The following GRM4 variants were observed in gnomAD, a reference collection of about 807,000 sequenced individuals.
GRM4 encodes metabotropic glutamate receptor 4.
A neutral mutation model predicts 81.7 loss-of-function variants in GRM4; 28 were observed. That is an observed-to-expected ratio of 0.34 (90% CI 0.25 to 0.47). GRM4 has a LOEUF of 0.47. GRM4 is among the 20% of genes least tolerant of loss of function. The pLI, the probability that GRM4 is intolerant of heterozygous loss-of-function variation, is 1.00. For missense variants in GRM4, 948 were observed against 1,290.0 expected, an observed-to-expected ratio of 0.73 and a Z score of 4.06; for synonymous variants, 488 against 528.8, an observed-to-expected ratio of 0.92 and a Z score of 1.06.
At position 34,121,340 on chromosome 6, in the gene GRM4, G is replaced by A. The variant is rs1333042573; in HGVS notation, c.519+11638C>T. Among the ~76,000 whole-genome samples, 2 of 152,214 alleles carry A rather than the reference G, an allele frequency of 1.3e-5. No individual in the cohort carries two copies. Among genetic ancestry groups the A allele is most frequent in the Non-Finnish European group, 2.9e-5 (2 of 68,040 alleles). ...ACTGGACTCCCTGACAGCTTCCAGA[G>A]CCTGAGCTGGGAAGGAGAGAGAAGA... On this transcript the variant is annotated intron_variant, in intron 2 of 10. Coordinates refer to ENST00000538487, the MANE Select transcript of GRM4 (RefSeq NM_000841.4). The surrounding 1 kb of genome is among the most constrained non-coding windows in gnomAD (Gnocchi z 4.6).
Position 34,022,826 on chromosome 6 carries a change from T to A in GRM4, c.2734A>T (p.Ile912Phe), listed in dbSNP as rs1355285410. The A allele has an allele frequency of 6.2e-7, 1 of 1,613,262 alleles. No homozygotes were observed. The highest frequency in any genetic ancestry group is 2.2e-5 in the East Asian group (1 of 44,894). ...TGCTCAGCTCCATGGACTCGCTAGA[T>A]TGCATGGTTGGTGTAAGTGACGTAA... Reference protein sequence around the residue: ...QTYVTYTNHAI With the variant: ...QTYVTYTNHAF The change falls in exon 11 of 11, where the codon ATC (isoleucine) becomes TTC (phenylalanine). Residue 912 changes from isoleucine (I) to phenylalanine (F), a missense_variant. Physicochemically the swap from Ile to Phe is conservative, Grantham distance 21. Coordinates refer to ENST00000538487, the MANE Select transcript of GRM4 (RefSeq NM_000841.4). The surrounding 1 kb of genome is among the most constrained non-coding windows in gnomAD (Gnocchi z 5.6).
At chr6:34,151,151 G>T (rs566201741) in intron 1 of GRM4, among the ~76,000 whole-genome samples, 1 of 152,342 alleles carries the variant, frequency 6.6e-6, no homozygotes, top group East Asian at 1.9e-4. Context: ...ATTTAGAAGA[G>T]CCGAGAGACC....
At position 34,153,451 on chromosome 6, in the gene GRM4, GC is replaced by G. The variant is rs373958936; in HGVS notation, c.312+1627del. ...CTGCCTTGGCTTGTCCCCACCAAGTGCTCCCCACCTGTTGACAAAACTGAAT... is the reference window on the plus strand; with the variant it reads ...CTGCCTTGGCTTGTCCCCACCAAGTGTCCCCACCTGTTGACAAAACTGAAT... On this transcript the variant is annotated intron_variant, in intron 1 of 8. Transcript: ENST00000374177. Among the ~76,000 whole-genome samples the G allele has an allele frequency of 2.2e-3, 328 of 152,360 alleles. 4 individuals are homozygous for G. Among genetic ancestry groups the G allele is most frequent in the African/African-American group, 7.2e-3 (300 of 41,590 alleles).
chr6:34,106,558 C>T (rs1230819848), intron 2 of GRM4, among the ~76,000 whole-genome samples: 1 of 152,186 alleles, frequency 6.6e-6, no homozygotes, highest in Non-Finnish European at 1.5e-5. Flanking sequence ...CCCCCTCACT[C>T]ACCCTGTCCA....
chr6:34,067,568 T>C (rs531975361), intron 3 of GRM4, among the ~76,000 whole-genome samples: 2 of 139,956 alleles, frequency 1.4e-5, no homozygotes, highest in Admixed American at 1.4e-4. Context: ...CTCCCTTCCT[T>C]CCTCTCTCCC....
intron 6 of GRM4, among the ~76,000 whole-genome samples, chr6:34,043,764 T>C (rs1765126581): frequency 6.6e-6 from 1 of 152,136 alleles, no homozygotes. Flanking sequence ...GTATGGATGC[T>C]AGTGTGGATA....
At chr6:34,076,882 A>T (rs960097899) in intron 3 of GRM4, among the ~76,000 whole-genome samples, 1 of 151,588 alleles carries the variant, frequency 6.6e-6, no homozygotes, top group African/African-American at 2.4e-5. Flanking sequence ...GATGGGGGAC[A>T]TGGGGGGTGG....
chr6:34,040,681 G>A lies in GRM4; in HGVS notation c.1236C>T (p.Ala412=), dbSNP rs140892342. Residue 412 remains alanine, a synonymous_variant, in exon 7 of 11, where the codon GCC becomes GCT. Transcript: ENST00000538487. ...GCAGCGCGTGGCCCATGGCGTACAC[G>A]GCATCGATCACAAACTGCACCTTCC... ...QEGKVQFVID[A]VYAMGHALHA... is the part of the protein sequence containing the mutation. 2.6e-4 allele frequency: 426 copies of A among 1,614,038 alleles called. 1 individual carries two copies. The highest frequency in any genetic ancestry group is 5.5e-4 in the Admixed American group (33 of 60,030).
At chr6:34,155,120 C>G (rs370723542) in exon 1 of GRM4, 2 of 1,530,436 alleles carry the variant, frequency 1.3e-6, no homozygotes, top group African/African-American at 1.4e-5. Flanking sequence ...CGGCGGGGGT[C>G]TATTTCAGGG....
At chr6:34,086,359 C>T (rs1024653664) in intron 3 of GRM4, among the ~76,000 whole-genome samples, 1 of 152,198 alleles carries the variant, frequency 6.6e-6, no homozygotes. Flanking sequence ...GGAGTCGGAG[C>T]AGGAGGTCAG....
At chr6:34,143,238 C>T (rs962610087) in intron 1 of GRM4, among the ~76,000 whole-genome samples, 6 of 152,154 alleles carry the variant, frequency 3.9e-5, no homozygotes, top group Non-Finnish European at 8.8e-5. Flanking sequence ...AATTCACAAG[C>T]GGACATCACG....
Position 34,090,647 on chromosome 6 carries a change from C to G in GRM4, c.736+1236G>C, listed in dbSNP as rs778432263. Among the ~76,000 whole-genome samples the G allele has an allele frequency of 1.3e-5, 2 of 152,044 alleles. No homozygotes were observed. Among genetic ancestry groups the G allele is most frequent in the Admixed American group, 1.3e-4 (2 of 15,276 alleles). ...AGTGCTGCCCCACTTCCCGCCGCCCCGCTGCCCCCTCCACCAGGTGGAGGC... is the reference window on the plus strand; with the variant it reads ...AGTGCTGCCCCACTTCCCGCCGCCCGGCTGCCCCCTCCACCAGGTGGAGGC... On this transcript the variant is annotated intron_variant, in intron 3 of 10. Transcript: ENST00000538487. This position sits in a 1 kb window ranked among gnomAD's most constrained non-coding sequence, Gnocchi z 5.2.
rs1415738331 is a variant in GRM4, at chr6:34,114,150, G to C, written c.519+18828C>G. Among the ~76,000 whole-genome samples, 2 of 152,086 alleles carry C rather than the reference G, an allele frequency of 1.3e-5. No individual in the cohort carries two copies. The highest frequency in any genetic ancestry group is 1.9e-4 in the East Asian group (1 of 5,186). ...TCACAACTCTCTAGCCCCTGGCCCTGGGCAGGTCCCCTCCACAGCACCTGT... is the reference window on the plus strand; with the variant it reads ...TCACAACTCTCTAGCCCCTGGCCCTCGGCAGGTCCCCTCCACAGCACCTGT... On this transcript the variant is annotated intron_variant, in intron 2 of 10. Transcript: ENST00000538487. The surrounding 1 kb of genome is among the most constrained non-coding windows in gnomAD (Gnocchi z 4.3).
chr6:34,051,793 C>G (rs998919938), intron 6 of GRM4, among the ~76,000 whole-genome samples: 5 of 152,148 alleles, frequency 3.3e-5, no homozygotes. Flanking sequence ...TCCTTGGAAG[C>G]CATGAGGGAG....
chr6:34,056,434 ACGGC>A (rs915990365), intron 6 of GRM4, 106 bp downstream of exon 6: 14 of 903,972 alleles, frequency 1.5e-5, no homozygotes, highest in Admixed American at 7.7e-5. Flanking sequence ...ACGTCCTGCC[ACGGC>A]CGGCCGACGA....
At position 34,114,259 on chromosome 6, in the gene GRM4, T is replaced by C. The variant is rs1769497381; in HGVS notation, c.519+18719A>G. Among the ~76,000 whole-genome samples the C allele has an allele frequency of 6.6e-6, 1 of 152,228 alleles. No homozygotes were observed. Among genetic ancestry groups the C allele is most frequent in the African/African-American group, 2.4e-5 (1 of 41,456 alleles). On this transcript the variant is annotated intron_variant, in intron 2 of 10. Coordinates refer to ENST00000538487, the MANE Select transcript of GRM4 (RefSeq NM_000841.4). The surrounding 1 kb of genome is among the most constrained non-coding windows in gnomAD (Gnocchi z 4.3). ...CAGCTCCATGTGGGCAAGGACGGTA[T>C]GCATTTGGCTCACTCTGCTGCATTC...
At chr6:34,145,344 G>C (rs1436709459) in intron 1 of GRM4, among the ~76,000 whole-genome samples, 2 of 152,086 alleles carry the variant, frequency 1.3e-5, no homozygotes, top group Non-Finnish European at 2.9e-5. Flanking sequence ...CGGCAAGCGA[G>C]CAAGCGAGAG....
At position 34,155,313 on chromosome 6, in the gene GRM4, G is replaced by A. The variant is rs1286421542; in HGVS notation, c.78C>T (p.Ile26=). Residue 26 remains isoleucine, a synonymous_variant, in exon 1 of 9, where the codon ATC becomes ATT. Transcript: ENST00000374177. ...AAGGTGGGGTACAGGGGTGGGGTGC[G>A]ATGCAGAGGCGTAGAGGGGAGCAAG... The A allele has an allele frequency of 5.2e-6, 8 of 1,526,494 alleles. No individual in the cohort carries two copies. The African/African-American group carries it at 6.9e-5, about 13-fold the overall frequency. The allele number at this position is 1,526,494 out of a possible 1,614,324, so 94.6% of individuals were successfully genotyped here. A position where few individuals can be genotyped will look rare whatever the true frequency, so the allele number is the denominator to read the frequency against.
At chr6:34,120,639 G>A (rs889070671) in intron 2 of GRM4, among the ~76,000 whole-genome samples, 1 of 152,178 alleles carries the variant, frequency 6.6e-6, no homozygotes, top group Non-Finnish European at 1.5e-5. Context: ...ACCTTTGTCA[G>A]GTCCCCAGCT....
Sources: gnomAD v4.1 joint callset for allele counts (sites outside exome capture counted in the v4.1 genomes callset) on GRCh38, gnomAD v4.1.1 for gene constraint, Gnocchi (gnomAD v3.1) non-coding constraint, MANE v1.5 for transcripts, NCBI Gene and HGNC (gene_info 2026-07-23, HGNC 2026-07-21) for gene names.